Variants in CEP83 observed in about 807,000 individuals in gnomAD.
CEP83 encodes centrosomal protein 83.
CEP83 carries 70 observed loss-of-function variants against 101.9 expected under a neutral mutation model. The observed-to-expected ratio is 0.69, with a 90% CI of 0.57 to 0.84. The LOEUF (loss-of-function observed/expected upper bound fraction) is 0.84. Ranked by LOEUF, CEP83 falls within the 40% of genes least tolerant of loss-of-function variation. The pLI, the probability that CEP83 is intolerant of heterozygous loss-of-function variation, is 0.00. For synonymous variants in CEP83, 264 were observed against 267.9 expected (o/e 0.99, Z 0.14); for missense variants, 715 against 787.2 (o/e 0.91, Z 1.10).
At chr12:94,446,028 ACTCTTATCAAGC>A (rs2066773282) in intron 1 of CEP83, among the ~76,000 whole-genome samples, 1 of 152,208 alleles carries the variant, frequency 6.6e-6, no homozygotes, top group East Asian at 1.9e-4. Flanking sequence ...GTACAAAAGC[ACTCTTATCAAGC>A]CTGCCATATT....
chr12:94,361,246 G>C (rs536359241), intron 11 of CEP83: 1 of 152,350 alleles, frequency 6.6e-6, no homozygotes, highest in South Asian at 2.1e-4. Context: ...CGTGCCTATA[G>C]TCTCAGCTAC....
At chr12:94,421,791 T>C (rs1379525448) in intron 2 of CEP83, among the ~76,000 whole-genome samples, 1 of 152,232 alleles carries the variant, frequency 6.6e-6, no homozygotes, top group Admixed American at 6.5e-5. Flanking sequence ...GCTACAAACC[T>C]GTACAACATG....
the CEP83 span, among the ~76,000 whole-genome samples, chr12:94,297,775 A>G: frequency 1.3e-5 from 2 of 152,136 alleles, no homozygotes; most frequent in Non-Finnish European, 2.9e-5. Context: ...CCCTTTTTGA[A>G]TTGCGAATAA....
At chr12:94,269,049 T>C in the CEP83 span, among the ~76,000 whole-genome samples, 5 of 152,316 alleles carry the variant, frequency 3.3e-5, 2 homozygotes, top group African/African-American at 1.2e-4. Flanking sequence ...GGATTTCACA[T>C]GGGAGAAGGG....
rs147088332 is a variant in CEP83, at chr12:94,457,856, C to T, written c.-155+1701G>A. On this transcript the variant is annotated intron_variant, in intron 1 of 16. Coordinates refer to ENST00000397809, the MANE Select transcript of CEP83 (RefSeq NM_016122.3). The stretch of plus-strand genomic sequence containing the variant: ...CATAAAAATTTTATCATTAAGGGTT[C>T]AATAAGAGGAGACAGTGAGGTGACT... Among the ~76,000 whole-genome samples, 545 of 152,180 alleles carry T rather than the reference C, an allele frequency of 3.6e-3. 4 individuals carry two copies. The highest frequency in any genetic ancestry group is 5.8e-3 in the Admixed American group (89 of 15,288).
At chr12:94,368,247 A>T in intron 9 of CEP83, 46 bp from the exon 10 acceptor site, 1 of 1,474,604 alleles carries the variant, frequency 6.8e-7, no homozygotes, top group Non-Finnish European at 9.2e-7. Flanking sequence ...AATGTTATTA[A>T]GATGAAAAAT....
the CEP83 span, among the ~76,000 whole-genome samples, chr12:94,284,766 G>A: frequency 6.6e-6 from 1 of 152,148 alleles, no homozygotes; most frequent in African/African-American, 2.4e-5. Flanking sequence ...TAGGGGTAGG[G>A]AGGCAAGCAG....
chr12:94,274,155 T>TAAAAAAAAAAAAAAAAAAAAAAA, the CEP83 span, among the ~76,000 whole-genome samples: 1 of 45,376 alleles, frequency 2.2e-5, no homozygotes, highest in African/African-American at 1.2e-4. Context: ...ACCCTGTCTC[T>TAAAAAAAAAAAAAAAAAAAAAAA]AAAAAAAAAA....
intron 11 of CEP83, among the ~76,000 whole-genome samples, chr12:94,348,417 T>TAA (rs2060041639): frequency 6.6e-6 from 1 of 152,128 alleles, no homozygotes; most frequent in Admixed American, 6.5e-5. Flanking sequence ...AAAAGCTAGA[T>TAA]AAGTGGGTGT....
chr12:94,429,931 C>T (rs752003882), intron 2 of CEP83, among the ~76,000 whole-genome samples: 1 of 152,214 alleles, frequency 6.6e-6, no homozygotes, highest in Non-Finnish European at 1.5e-5. Context: ...CTGAAAGCAA[C>T]TCTGCCCTCC....
chr12:94,281,422 G>A, the CEP83 span, among the ~76,000 whole-genome samples: 1 of 152,210 alleles, frequency 6.6e-6, no homozygotes, highest in Non-Finnish European at 1.5e-5. Flanking sequence ...TGGGACTACA[G>A]AAAGCAGTGG....
chr12:94,388,684 T>A (rs2062318603), intron 6 of CEP83, among the ~76,000 whole-genome samples: 1 of 152,262 alleles, frequency 6.6e-6, no homozygotes, highest in East Asian at 1.9e-4. Context: ...AACTTTTTTT[T>A]ACACTGACTT....
At chr12:94,385,469 G>T (rs1333059569) in intron 6 of CEP83, among the ~76,000 whole-genome samples, 1 of 152,146 alleles carries the variant, frequency 6.6e-6, no homozygotes, top group East Asian at 1.9e-4. Context: ...CATGGCAGAG[G>T]ATGGGAGCCC....
At chr12:94,425,068 G>T in intron 2 of CEP83, 1 of 602,532 alleles carries the variant, frequency 1.7e-6, no homozygotes, top group South Asian at 2.1e-5. Flanking sequence ...CGAGGGAAAG[G>T]GGGAGAGGGA....
chr12:94,398,685 C>A (rs529242049), intron 6 of CEP83, among the ~76,000 whole-genome samples: 1 of 152,088 alleles, frequency 6.6e-6, no homozygotes, highest in African/African-American at 2.4e-5. Context: ...TGACTGCCTG[C>A]GGGGTCAGAC....
chr12:94,320,048 T>C (rs1393320155), intron 14 of CEP83, among the ~76,000 whole-genome samples: 4 of 152,226 alleles, frequency 2.6e-5, no homozygotes, highest in African/African-American at 9.6e-5. Context: ...TGGGTGCATA[T>C]ATATTTAGGA....
intron 12 of CEP83, among the ~76,000 whole-genome samples, chr12:94,334,399 C>G (rs980481339): frequency 1.3e-5 from 2 of 152,134 alleles, no homozygotes; most frequent in Non-Finnish European, 2.9e-5. Context: ...GATTCACACT[C>G]TTCTAAATTA....
chr12:94,393,092 T>C (rs1335815406), intron 6 of CEP83, among the ~76,000 whole-genome samples: 6 of 152,000 alleles, frequency 3.9e-5, no homozygotes, highest in Non-Finnish European at 5.9e-5. Context: ...TTCCAATCAA[T>C]AGAAAAAGAG....
intron 1 of CEP83, among the ~76,000 whole-genome samples, chr12:94,449,405 T>C (rs1207647486): frequency 2.0e-5 from 3 of 151,944 alleles, no homozygotes; most frequent in Admixed American, 2.0e-4. Context: ...CAGGAACATA[T>C]ACCCAAAATT....
Sources: allele counts gnomAD v4.1 joint callset (sites outside exome capture counted in the v4.1 genomes callset), GRCh38; gene constraint gnomAD v4.1.1; transcripts MANE v1.5; gene names NCBI Gene and HGNC (gene_info 2026-07-23, HGNC 2026-07-21).